The following FER1L6 variants were observed in gnomAD, a reference collection of about 807,000 sequenced individuals.
The protein encoded by FER1L6 is fer-1-like protein 6.
FER1L6 carries 177 observed loss-of-function variants against 219.2 expected under a neutral mutation model. That is an observed-to-expected ratio of 0.81 (90% confidence interval 0.71 to 0.91). The LOEUF is 0.91. Among genes scored for constraint, FER1L6 ranks in the 40% least tolerant of loss-of-function variants. The pLI is 0.00. For synonymous variants in FER1L6, 768 were observed against 824.3 expected, an observed-to-expected ratio of 0.93 and a Z score of 1.17; for missense variants, 2,153 against 2,259.9, an observed-to-expected ratio of 0.95 and a Z score of 0.96.
At chr8:123,951,016 T>C (rs1814736863) in intron 1 of FER1L6, among the ~76,000 whole-genome samples, 1 of 152,254 alleles carries the variant, frequency 6.6e-6, no homozygotes, top group South Asian at 2.1e-4. Flanking sequence ...GATTATAAAG[T>C]GCAGCCTATG....
chr8:124,016,903 T>A (rs1396221572), intron 15 of FER1L6, among the ~76,000 whole-genome samples: 1 of 152,162 alleles, frequency 6.6e-6, no homozygotes, highest in Non-Finnish European at 1.5e-5. Flanking sequence ...TAATTTTGAA[T>A]CAAATTTAAA....
At chr8:123,976,214 C>A (rs776501437) in intron 9 of FER1L6, 130 bp downstream of exon 9, 10 of 761,198 alleles carry the variant, frequency 1.3e-5, no homozygotes, top group East Asian at 2.9e-5. Flanking sequence ...TACAAAAAGG[C>A]AATGGGGCCA....
intron 9 of FER1L6, among the ~76,000 whole-genome samples, chr8:123,976,837 G>T (rs16899158): frequency 0.018 from 2,727 of 152,244 alleles, 77 homozygotes; most frequent in African/African-American, 0.061. Flanking sequence ...GCTTTTCCCT[G>T]CTCAGGAGCC....
intron 40 of FER1L6, 108 bp downstream of exon 40, chr8:124,119,052 G>A: frequency 1.1e-6 from 1 of 878,954 alleles, no homozygotes; most frequent in Non-Finnish European, 1.8e-6. Context: ...GGAGAACTGG[G>A]AAGCCAGGAG....
chr8:123,963,139 A>G (rs991852163), intron 2 of FER1L6, 139 bp from the exon 3 acceptor site: 3 of 1,122,634 alleles, frequency 2.7e-6, no homozygotes, highest in Non-Finnish European at 3.8e-6. Context: ...TAAGATGTTA[A>G]GTTTTATGCT....
At chr8:123,875,377 A>G (rs1816990397) in intron 1 of FER1L6, among the ~76,000 whole-genome samples, 1 of 152,162 alleles carries the variant, frequency 6.6e-6, no homozygotes, top group South Asian at 2.1e-4. Flanking sequence ...CATGGAATCT[A>G]TTCTCCTTTG....
At chr8:123,971,126 C>T (rs762483939) in intron 6 of FER1L6, among the ~76,000 whole-genome samples, 10 of 152,134 alleles carry the variant, frequency 6.6e-5, no homozygotes, top group Admixed American at 2.0e-4. Context: ...GATTTTCTTC[C>T]CTGTCTTTAT....
At chr8:124,055,006 C>A (rs561478195) in intron 22 of FER1L6, among the ~76,000 whole-genome samples, 1 of 152,254 alleles carries the variant, frequency 6.6e-6, no homozygotes, top group South Asian at 2.1e-4. Flanking sequence ...TCAGTGTAGC[C>A]ATGGAAAGGA....
intron 19 of FER1L6, 78 bp from the exon 20 acceptor site, chr8:124,039,804 C>T: frequency 1.9e-6 from 3 of 1,572,514 alleles, no homozygotes; most frequent in Non-Finnish European, 2.6e-6. Context: ...AGATGGACAT[C>T]ACACACAGAC....
At position 123,974,659 on chromosome 8, in the gene FER1L6, C is replaced by CAAAAAAAAAAAAAAAAAAAAAAA. The variant is rs994690186; in HGVS notation, c.527-490_527-468dup. On this transcript the variant is annotated intron_variant, in intron 7 of 40. Coordinates refer to ENST00000522917, the MANE Select transcript of FER1L6 (RefSeq NM_001039112.2). ...CAGGCATCACAGCGAGACTCTGTCTCAAAAAAAAAAAAAAAAAAAAAAAGA... is the reference window on the plus strand; with the variant it reads ...CAGGCATCACAGCGAGACTCTGTCTCAAAAAAAAAAAAAAAAAAAAAAAAAAAAAAAAAAAAAAAAAAAAAAGA... 2.8e-3 allele frequency among the ~76,000 whole-genome samples: 132 copies of CAAAAAAAAAAAAAAAAAAAAAAA among 47,740 alleles called. 1 individual carries two copies. The highest frequency in any genetic ancestry group is 3.8e-3 in the East Asian group (7 of 1,842). The allele number at this position is 47,740 out of a possible 152,430, so 31.3% of individuals were successfully genotyped here. A position where few individuals can be genotyped will look rare whatever the true frequency, so the allele number is the denominator to read the frequency against.
intron 20 of FER1L6, among the ~76,000 whole-genome samples, chr8:124,041,363 T>C (rs1244791099): frequency 1.3e-5 from 2 of 152,240 alleles, no homozygotes; most frequent in Admixed American, 6.5e-5. Flanking sequence ...AGGGCTAACA[T>C]TGTTCTCCAG....
At chr8:123,854,422 G>A (rs559782995) in intron 1 of FER1L6, among the ~76,000 whole-genome samples, 1 of 152,148 alleles carries the variant, frequency 6.6e-6, no homozygotes, top group South Asian at 2.1e-4. Context: ...CTTCTGGGCT[G>A]TCACAGCTTC....
At chr8:124,107,875 C>T (rs937952851) in intron 39 of FER1L6, among the ~76,000 whole-genome samples, 2 of 152,132 alleles carry the variant, frequency 1.3e-5, no homozygotes, top group African/African-American at 2.4e-5. Context: ...AAAAGAGAAG[C>T]CTCTTTTATG....
At position 124,049,535 on chromosome 8, in the gene FER1L6, A is replaced by G. The variant is rs1409607762; in HGVS notation, c.2725-72A>G. On this transcript the variant is annotated intron_variant, in intron 21 of 40. Coordinates refer to ENST00000522917, the MANE Select transcript of FER1L6 (RefSeq NM_001039112.2). ...TTGTGGAGGTTATTTTGTGGAGGTGATGGCATTGATGTGGATCAGAACCAG... is the reference window on the plus strand; with the variant it reads ...TTGTGGAGGTTATTTTGTGGAGGTGGTGGCATTGATGTGGATCAGAACCAG... 4.0e-6 allele frequency: 6 copies of G among 1,507,858 alleles called. No individual in the cohort carries two copies. In the Admixed American group the frequency reaches 5.2e-5, roughly 13 times the overall value. The allele number at this position is 1,507,858 out of a possible 1,614,324, so 93.4% of individuals were successfully genotyped here.
intron 1 of FER1L6, among the ~76,000 whole-genome samples, chr8:123,881,008 AG>A (rs2129661719): frequency 6.6e-6 from 1 of 152,314 alleles, no homozygotes; most frequent in Admixed American, 6.5e-5. Flanking sequence ...CCCTTGGGAA[AG>A]ATCTCTTGTA....
intron 20 of FER1L6, among the ~76,000 whole-genome samples, chr8:124,045,432 C>A (rs185087581): frequency 6.6e-6 from 1 of 152,234 alleles, no homozygotes; most frequent in African/African-American, 2.4e-5. Context: ...ATTCAGCACA[C>A]CATAAATGCT....
intron 32 of FER1L6, among the ~76,000 whole-genome samples, chr8:124,081,086 T>C (rs923147147): frequency 6.6e-6 from 1 of 152,116 alleles, no homozygotes; most frequent in Non-Finnish European, 1.5e-5. Flanking sequence ...GATCTGACCA[T>C]GAGGGCAGCA....
At chr8:123,874,657 C>G (rs929667194) in intron 1 of FER1L6, among the ~76,000 whole-genome samples, 1 of 152,160 alleles carries the variant, frequency 6.6e-6, no homozygotes, top group Admixed American at 6.5e-5. Context: ...AATTAAATGA[C>G]TGGTACATCT....
chr8:124,088,599 T>C (rs1297423346), intron 33 of FER1L6, among the ~76,000 whole-genome samples: 1 of 151,872 alleles, frequency 6.6e-6, no homozygotes, highest in Non-Finnish European at 1.5e-5. Flanking sequence ...TAGCTGAAAA[T>C]GTGCTGGGTC....
Sources: allele counts gnomAD v4.1 joint callset (sites outside exome capture counted in the v4.1 genomes callset), GRCh38; gene constraint gnomAD v4.1.1; transcripts MANE v1.5; gene names NCBI Gene and HGNC (gene_info 2026-07-23, HGNC 2026-07-21).